The following SULF2 variants were observed in gnomAD, a reference collection of about 807,000 sequenced individuals.
SULF2 encodes sulfatase 2, also known as extracellular sulfatase Sulf-2.
In SULF2, 52 loss-of-function variants were observed where a neutral mutation model predicts 107.7. That is an observed-to-expected ratio of 0.48 (90% CI 0.39 to 0.61). The LOEUF (loss-of-function observed/expected upper bound fraction) is 0.61. Ranked by LOEUF, SULF2 falls within the 20% of genes least tolerant of loss-of-function variation. The pLI is 0.00. For synonymous variants in SULF2, 460 were observed against 464.3 expected (o/e 0.99, Z 0.12); for missense variants, 993 against 1,177.3 (o/e 0.84, Z 2.29).
intron 1 of SULF2, among the ~76,000 whole-genome samples, chr20:47,777,088 G>A (rs2090738521): frequency 6.6e-6 from 1 of 152,232 alleles, no homozygotes; most frequent in Admixed American, 6.5e-5. Flanking sequence ...TTGCTTTTTA[G>A]TGAGGAGAGA....
At chr20:47,713,010 C>T (rs1048067356) in intron 3 of SULF2, among the ~76,000 whole-genome samples, 7 of 151,124 alleles carry the variant, frequency 4.6e-5, no homozygotes, top group East Asian at 2.0e-4. Flanking sequence ...CACTGCACTC[C>T]AGCCTGGGTA....
intron 2 of SULF2, among the ~76,000 whole-genome samples, chr20:47,744,498 G>A (rs2089961208): frequency 6.6e-6 from 1 of 152,158 alleles, no homozygotes; most frequent in Non-Finnish European, 1.5e-5. Context: ...TTGGCACTTG[G>A]CATTCCTGCA....
At chr20:47,703,019 C>T (rs1252273197) in intron 3 of SULF2, among the ~76,000 whole-genome samples, 1 of 152,152 alleles carries the variant, frequency 6.6e-6, no homozygotes, top group East Asian at 1.9e-4. Context: ...AGGTTTCAAG[C>T]AATTCTCCTG....
chr20:47,739,678 C>T (rs1333415628), intron 2 of SULF2, among the ~76,000 whole-genome samples: 3 of 152,242 alleles, frequency 2.0e-5, no homozygotes, highest in East Asian at 1.9e-4. Context: ...TTTGATTTCA[C>T]TTATTTGTAT....
intron 3 of SULF2, among the ~76,000 whole-genome samples, chr20:47,712,341 T>C (rs111508438): frequency 2.6e-5 from 4 of 152,324 alleles, no homozygotes; most frequent in African/African-American, 9.6e-5. Flanking sequence ...CTGCTCTTCC[T>C]TCTGCCTGGG....
At chr20:47,674,274 C>T (rs1374669114) in intron 10 of SULF2, among the ~76,000 whole-genome samples, 1 of 152,236 alleles carries the variant, frequency 6.6e-6, no homozygotes, top group Non-Finnish European at 1.5e-5. Flanking sequence ...CGCCTGAGCC[C>T]CACAGGGCTG....
At chr20:47,771,054 ACAGT>A (rs1414580413) in intron 1 of SULF2, among the ~76,000 whole-genome samples, 3 of 152,094 alleles carry the variant, frequency 2.0e-5, no homozygotes, top group Non-Finnish European at 4.4e-5. Flanking sequence ...ATCCCGTAAA[ACAGT>A]CAGTCCTGCT....
At chr20:47,783,210 CCTTTT>C (rs113612188) in intron 1 of SULF2, among the ~76,000 whole-genome samples, 6,880 of 152,232 alleles carry the variant, frequency 0.045, 531 homozygotes, top group African/African-American at 0.16. Context: ...CTGGACTAAA[CCTTTT>C]CTTTTAACTA....
chr20:47,682,680 A>G (rs1169219844), intron 7 of SULF2, among the ~76,000 whole-genome samples: 3 of 152,174 alleles, frequency 2.0e-5, no homozygotes, highest in Admixed American at 1.3e-4. Flanking sequence ...TGCCCAGCCC[A>G]GAACAGAAAT....
At chr20:47,771,664 GC>G (rs1236004648) in intron 1 of SULF2, among the ~76,000 whole-genome samples, 2 of 152,064 alleles carry the variant, frequency 1.3e-5, no homozygotes, top group African/African-American at 4.8e-5. Flanking sequence ...GTCCCTGGGA[GC>G]CCCTCTCATC....
intron 3 of SULF2, 37 bp downstream of exon 3, chr20:47,736,666 T>C: frequency 6.2e-7 from 1 of 1,612,278 alleles, no homozygotes; most frequent in Non-Finnish European, 8.5e-7. Flanking sequence ...GCCCTGGCTG[T>C]CACTCCCTTC....
chr20:47,694,102 C>T lies in SULF2; in HGVS notation c.568-3807G>A, dbSNP rs2088293516. On this transcript the variant is annotated intron_variant, in intron 4 of 20. Transcript: ENST00000688720. This position sits in a 1 kb window ranked among gnomAD's most constrained non-coding sequence, Gnocchi z 4.4. ...CCACATGACACACCTGCCTCCAAAG[C>T]TGCCACCCTGCTCCACCAGTGGGCA... Among the ~76,000 whole-genome samples the T allele has an allele frequency of 6.6e-6, 1 of 152,264 alleles. No homozygotes were observed. The highest frequency in any genetic ancestry group is 1.5e-5 in the Non-Finnish European group (1 of 68,048).
At chr20:47,660,803 T>C (rs2087040511) in intron 18 of SULF2, among the ~76,000 whole-genome samples, 1 of 152,048 alleles carries the variant, frequency 6.6e-6, no homozygotes, top group Non-Finnish European at 1.5e-5. Flanking sequence ...ATCTATCTGG[T>C]TGGCATTCTA....
chr20:47,669,757 G>A (rs1427139685), intron 11 of SULF2, among the ~76,000 whole-genome samples: 1 of 152,184 alleles, frequency 6.6e-6, no homozygotes, highest in African/African-American at 2.4e-5. Context: ...ACACTCACAT[G>A]AGGATTCTGA....
chr20:47,670,794 T>C (rs1378732366), intron 11 of SULF2, among the ~76,000 whole-genome samples: 1 of 95,602 alleles, frequency 1.0e-5, no homozygotes, highest in Non-Finnish European at 2.3e-5. Context: ...ATTTAGCAGA[T>C]AGGTTGCGTA....
At chr20:47,687,416 G>A (rs2088045356) in intron 5 of SULF2, among the ~76,000 whole-genome samples, 1 of 152,158 alleles carries the variant, frequency 6.6e-6, no homozygotes, top group African/African-American at 2.4e-5. Flanking sequence ...TCACAAAAGG[G>A]CGTGAAGAAG....
At chr20:47,723,952 G>T (rs1201723755) in intron 3 of SULF2, among the ~76,000 whole-genome samples, 1 of 152,210 alleles carries the variant, frequency 6.6e-6, no homozygotes, top group Non-Finnish European at 1.5e-5. Flanking sequence ...GTACCAGAAT[G>T]GTTGTGGGCC....
intron 7 of SULF2, among the ~76,000 whole-genome samples, chr20:47,681,583 TG>T (rs1176018255): frequency 6.6e-6 from 1 of 152,158 alleles, no homozygotes; most frequent in Non-Finnish European, 1.5e-5. Context: ...TTCCCTTACT[TG>T]CTGTAAACTC....
At chr20:47,659,871 T>A (rs1396872585) in intron 18 of SULF2, 141 bp from the exon 19 acceptor site, 1 of 668,376 alleles carries the variant, frequency 1.5e-6, no homozygotes, top group African/African-American at 1.8e-5. Context: ...TAGACTGAAT[T>A]ATGAGGGGTA....
Sources: gnomAD v4.1 joint callset for allele counts (sites outside exome capture counted in the v4.1 genomes callset) on GRCh38, gnomAD v4.1.1 for gene constraint, Gnocchi (gnomAD v3.1) non-coding constraint, MANE v1.5 for transcripts, NCBI Gene and HGNC (gene_info 2026-07-23, HGNC 2026-07-21) for gene names.